INPP5D: variants seen among roughly 807,000 people sequenced by gnomAD.
The protein encoded by INPP5D is phosphatidylinositol 3,4,5-trisphosphate 5-phosphatase 1.
In INPP5D, 33 loss-of-function variants were observed where a neutral mutation model predicts 122.9. The observed-to-expected ratio is 0.27, with a 90% CI of 0.20 to 0.36. INPP5D has a LOEUF of 0.36. Ranked by LOEUF, INPP5D falls within the 10% of genes least tolerant of loss-of-function variation. The pLI is 1.00. For missense variants in INPP5D, 1,053 were observed against 1,412.7 expected, an observed-to-expected ratio of 0.75 and a Z score of 4.08; for synonymous variants, 584 against 576.2, an observed-to-expected ratio of 1.01 and a Z score of -0.19.
chr2:233,170,700 G>T lies in INPP5D; in HGVS notation c.1900+96G>T. 14 of 1,493,820 alleles carry T rather than the reference G, an allele frequency of 9.4e-6. No homozygotes were observed. The highest frequency in any genetic ancestry group is 1.3e-5 in the Non-Finnish European group (14 of 1,100,014). 92.5% of individuals were successfully genotyped at this position (1,493,820 alleles called of 1,614,324 possible). A position where few individuals can be genotyped will look rare whatever the true frequency, so the allele number is the denominator to read the frequency against. ...GGGCGGATCACGAGATCAGGAGATGGAGACCATCCTGGCTAACACAGTGAA... is the reference window on the plus strand; with the variant it reads ...GGGCGGATCACGAGATCAGGAGATGTAGACCATCCTGGCTAACACAGTGAA... On this transcript the variant is annotated intron_variant, in intron 16 of 26. Transcript: ENST00000445964. This position sits in a 1 kb window ranked among gnomAD's most constrained non-coding sequence, Gnocchi z 4.5.
At chr2:233,121,943 G>A (rs1692993323) in intron 2 of INPP5D, among the ~76,000 whole-genome samples, 164 bp from the exon 3 acceptor site, 1 of 152,216 alleles carries the variant, frequency 6.6e-6, no homozygotes, top group African/African-American at 2.4e-5. Context: ...TGCAGGATGT[G>A]AGGTGTGGGC....
At chr2:233,081,256 C>G (rs548759906) in intron 2 of INPP5D, among the ~76,000 whole-genome samples, 1 of 152,224 alleles carries the variant, frequency 6.6e-6, no homozygotes, top group East Asian at 1.9e-4. Context: ...CTGGGGCAGG[C>G]AGTTGGCCTC....
rs1695548647 is a variant in INPP5D, at chr2:233,207,629, T to G, written c.*921T>G. ...TCTTTGCTGTTGCTCCCGAAAGCCG[T>G]GCTCTCCAGCCTGGCTGCCAGGGAG... On this transcript the variant is annotated 3_prime_UTR_variant, in exon 27 of 27. Coordinates refer to ENST00000445964, the MANE Select transcript of INPP5D (RefSeq NM_001017915.3). This position sits in a 1 kb window ranked among gnomAD's most constrained non-coding sequence, Gnocchi z 4.6. The G allele has an allele frequency of 6.6e-6, 1 of 152,382 alleles. No homozygotes were observed. The allele number at this position is 152,382 out of a possible 1,614,324, so 9.4% of individuals were successfully genotyped here. A position where few individuals can be genotyped will look rare whatever the true frequency, so the allele number is the denominator to read the frequency against.
chr2:233,179,696 A>T lies in INPP5D; in HGVS notation c.2071+2350A>T, dbSNP rs186926365. 7.2e-5 allele frequency among the ~76,000 whole-genome samples: 11 copies of T among 152,298 alleles called. 1 individual carries two copies. The East Asian group carries it at 2.1e-3, about 29-fold the overall frequency. ...CAGGGAATTTTGCTAATGATATTTC[A>T]TTGAGTGCCAGAGGGCTCAGTAGAA... On this transcript the variant is annotated intron_variant, in intron 18 of 26. Transcript: ENST00000445964.
intron 9 of INPP5D, among the ~76,000 whole-genome samples, chr2:233,156,772 G>C (rs1694064898): frequency 6.6e-6 from 1 of 152,174 alleles, no homozygotes; most frequent in African/African-American, 2.4e-5. Context: ...CCAGATTACA[G>C]ACTCCCAAAA....
At chr2:233,070,764 C>T (rs1453391418) in intron 1 of INPP5D, among the ~76,000 whole-genome samples, 4 of 151,966 alleles carry the variant, frequency 2.6e-5, no homozygotes, top group African/African-American at 9.7e-5. Context: ...TTATTTAATT[C>T]CACTGGGCCC....
At chr2:233,173,932 A>G (rs1694555881) in intron 17 of INPP5D, among the ~76,000 whole-genome samples, 1 of 151,606 alleles carries the variant, frequency 6.6e-6, no homozygotes, top group Non-Finnish European at 1.5e-5. Flanking sequence ...TCTCAAAAAA[A>G]AAAACAAAAA....
chr2:233,142,370 A>C (rs2106275085), intron 6 of INPP5D, among the ~76,000 whole-genome samples: 2 of 152,338 alleles, frequency 1.3e-5, no homozygotes, highest in East Asian at 3.9e-4. Flanking sequence ...ACCTGAGTTC[A>C]AATTCTGATT....
intron 5 of INPP5D, 31 bp from the exon 6 acceptor site, chr2:233,139,811 C>T (rs1400724574): frequency 5.0e-6 from 2 of 398,470 alleles, no homozygotes; most frequent in African/African-American, 4.1e-5. Flanking sequence ...GCCCACTAAT[C>T]CTTGATGTTC....
chr2:233,200,399 T>C (rs981511958), intron 25 of INPP5D, among the ~76,000 whole-genome samples: 10 of 152,272 alleles, frequency 6.6e-5, no homozygotes, highest in African/African-American at 2.4e-4. Flanking sequence ...CTGTCTTCCC[T>C]TGAGGCTCTT....
chr2:233,159,594 T>C (rs1694147375), intron 10 of INPP5D, among the ~76,000 whole-genome samples: 1 of 142,188 alleles, frequency 7.0e-6, no homozygotes, highest in Non-Finnish European at 1.5e-5. Flanking sequence ...CTTGGGAGGC[T>C]GAAGTGGGAG....
In INPP5D at chr2:233,160,123, C is replaced by A. The variant is rs1471480944; in HGVS notation, c.1138-1601C>A. Among the ~76,000 whole-genome samples, 1 of 152,164 alleles carries A rather than the reference C, an allele frequency of 6.6e-6. No individual in the cohort carries two copies. The highest frequency in any genetic ancestry group is 1.5e-5 in the Non-Finnish European group (1 of 68,036). ...CATGAATCTTGAGCCACTCCCAACT[C>A]GAGGCAGGTTATAGTAAAGATGGTC... On this transcript the variant is annotated intron_variant, in intron 10 of 26. Transcript: ENST00000445964. The surrounding 1 kb of genome is among the most constrained non-coding windows in gnomAD (Gnocchi z 4.2).
At chr2:233,118,644 A>G (rs1692874947) in intron 2 of INPP5D, among the ~76,000 whole-genome samples, 1 of 152,188 alleles carries the variant, frequency 6.6e-6, no homozygotes, top group Non-Finnish European at 1.5e-5. Context: ...GCCTGCAGGC[A>G]CAGGGTGCTT....
intron 9 of INPP5D, among the ~76,000 whole-genome samples, chr2:233,154,605 T>C (rs1000599097): frequency 1.1e-4 from 16 of 152,260 alleles, no homozygotes; most frequent in African/African-American, 3.4e-4. Context: ...CTAATCTGTA[T>C]GTCTACGTGT....
intron 2 of INPP5D, among the ~76,000 whole-genome samples, chr2:233,114,432 C>T (rs554869529): frequency 2.1e-4 from 32 of 152,276 alleles, no homozygotes; most frequent in South Asian, 1.5e-3. Flanking sequence ...GAGGCCAGGC[C>T]GGGAGGAGGT....
At chr2:233,165,856 G>A (rs1221657037) in intron 13 of INPP5D, among the ~76,000 whole-genome samples, 3 of 151,990 alleles carry the variant, frequency 2.0e-5, no homozygotes, top group African/African-American at 7.3e-5. Context: ...GTGTTTGTGT[G>A]TGTGTGTGTG....
intron 2 of INPP5D, among the ~76,000 whole-genome samples, chr2:233,085,389 A>G (rs1310044001): frequency 1.3e-5 from 2 of 151,670 alleles, no homozygotes; most frequent in Admixed American, 1.3e-4. Context: ...TCTCAAAGAA[A>G]AAAAAAAAAA....
intron 1 of INPP5D, among the ~76,000 whole-genome samples, chr2:233,077,598 G>T (rs1691555504): frequency 7.0e-6 from 1 of 143,400 alleles, no homozygotes; most frequent in Non-Finnish European, 1.5e-5. Flanking sequence ...GGCAGAGTTT[G>T]CGGTGAGCCA....
intron 3 of INPP5D, 148 bp downstream of exon 3, chr2:233,122,405 G>C: frequency 1.3e-6 from 1 of 795,592 alleles, no homozygotes; most frequent in Non-Finnish European, 1.9e-6. Flanking sequence ...CAGGCTCTCT[G>C]GTCAGGCAGA....
Sources: allele counts gnomAD v4.1 joint callset (sites outside exome capture counted in the v4.1 genomes callset), GRCh38; gene constraint gnomAD v4.1.1; non-coding constraint Gnocchi (gnomAD v3.1); transcripts MANE v1.5; gene names NCBI Gene and HGNC (gene_info 2026-07-23, HGNC 2026-07-21).